The following ATXN7 variants were observed in gnomAD, a reference collection of about 807,000 sequenced individuals.
The protein encoded by ATXN7 is ataxin 7.
In ATXN7, 12 loss-of-function variants were observed where a neutral mutation model predicts 70.5. The observed-to-expected ratio is 0.17, with a 90% confidence interval of 0.11 to 0.28. The LOEUF is 0.28. Ranked by LOEUF, ATXN7 falls within the 10% of genes least tolerant of loss-of-function variation. The pLI is 1.00. For missense variants in ATXN7, 1,256 were observed against 1,131.7 expected (o/e 1.11, Z -1.58); for synonymous variants, 498 against 448.7 (o/e 1.11, Z -1.39).
chr3:63,967,408 A>G (rs2075243890), intron 5 of ATXN7, among the ~76,000 whole-genome samples: 1 of 152,192 alleles, frequency 6.6e-6, no homozygotes, highest in African/African-American at 2.4e-5. Flanking sequence ...AAGCTTAGCA[A>G]CTGTAGATAG....
chr3:63,873,114 C>G (rs1702645564), intron 1 of ATXN7, among the ~76,000 whole-genome samples: 1 of 152,076 alleles, frequency 6.6e-6, no homozygotes, highest in Non-Finnish European at 1.5e-5. Context: ...TAATATATCC[C>G]TTTTCAATGT....
chr3:63,889,999 T>C (rs1195441814), intron 1 of ATXN7, among the ~76,000 whole-genome samples: 2 of 152,188 alleles, frequency 1.3e-5, no homozygotes, highest in African/African-American at 2.4e-5. Context: ...AAAGTAGCTA[T>C]TGGGATAGAG....
At chr3:63,990,973 TTG>T in intron 11 of ATXN7, 114 bp downstream of exon 11, 1 of 1,516,488 alleles carries the variant, frequency 6.6e-7, no homozygotes, top group African/African-American at 1.4e-5. Context: ...AAACTGGCCT[TTG>T]GCCCTGAGAA....
chr3:63,885,781 C>T (rs563323871), intron 1 of ATXN7, among the ~76,000 whole-genome samples: 11 of 152,208 alleles, frequency 7.2e-5, no homozygotes, highest in Non-Finnish European at 1.0e-4. Flanking sequence ...CTTTGGGAGG[C>T]CAAGGTAGGT....
At chr3:63,901,195 G>A (rs1011363484) in intron 2 of ATXN7, 2 of 152,148 alleles carry the variant, frequency 1.3e-5, no homozygotes, top group African/African-American at 2.4e-5. Context: ...TGTATTCATT[G>A]TGGAATGGCT....
intron 5 of ATXN7, among the ~76,000 whole-genome samples, chr3:63,956,134 T>A (rs979801992): frequency 2.6e-5 from 4 of 152,216 alleles, no homozygotes; most frequent in African/African-American, 9.6e-5. Flanking sequence ...CATAGTTTGC[T>A]TTCTTGGAAA....
intron 4 of ATXN7, among the ~76,000 whole-genome samples, chr3:63,941,106 A>G (rs2074757605): frequency 6.6e-6 from 1 of 152,188 alleles, no homozygotes; most frequent in Non-Finnish European, 1.5e-5. Context: ...ATTTCAGTAC[A>G]AGCAATGACA....
At chr3:63,936,328 C>T (rs2074662555) in intron 4 of ATXN7, among the ~76,000 whole-genome samples, 1 of 152,162 alleles carries the variant, frequency 6.6e-6, no homozygotes, top group Admixed American at 6.5e-5. Context: ...TCTGTGCTAA[C>T]ATCAGTGACA....
chr3:63,998,374 A>T (rs1179181179), intron 12 of ATXN7: 1 of 984,006 alleles, frequency 1.0e-6, no homozygotes, highest in African/African-American at 1.8e-5. Flanking sequence ...ATATATGTAT[A>T]CACACACGTA....
chr3:63,994,338 G>A (rs1391460129), intron 11 of ATXN7, among the ~76,000 whole-genome samples: 2 of 152,102 alleles, frequency 1.3e-5, no homozygotes, highest in African/African-American at 4.8e-5. Flanking sequence ...CGGTTCAAGC[G>A]ATTCTCCTGC....
chr3:63,988,459 C>T (rs1462781885), intron 9 of ATXN7, 135 bp downstream of exon 9: 8 of 1,214,784 alleles, frequency 6.6e-6, no homozygotes, highest in Non-Finnish European at 9.0e-6. Flanking sequence ...AGGAGTTTTA[C>T]TATGAAAAAA....
At position 64,001,536 on chromosome 3, in the gene ATXN7, C is replaced by A. The variant is rs184678476; in HGVS notation, c.*2069C>A. 1 of 152,170 alleles carries A rather than the reference C, an allele frequency of 6.6e-6. No homozygotes were observed. Among genetic ancestry groups the A allele is most frequent in the South Asian group, 2.1e-4 (1 of 4,832 alleles). 9.4% of individuals were successfully genotyped at this position (152,170 alleles called of 1,614,324 possible). A position where few individuals can be genotyped will look rare whatever the true frequency, so the allele number is the denominator to read the frequency against. ...GCCTTTAGCAATGGAATTTACAGAT[C>A]GATCATGTTGTTCCGAAAGATGTGA... is the stretch of plus-strand genomic sequence containing the variant. On this transcript the variant is annotated 3_prime_UTR_variant, in exon 13 of 13. Transcript: ENST00000674280.
chr3:63,913,171 G>A lies in ATXN7; in HGVS notation c.340G>A (p.Glu114Lys). The change falls in exon 4 of 13, where the codon GAA (glutamate) becomes AAA (lysine). Residue 114 changes from glutamate (E) to lysine (K), a missense_variant. Glu to Lys is a moderately conservative substitution (Grantham distance 56, BLOSUM62 1). Transcript: ENST00000674280. ...ATATCTCCTAGGGACAGAATTGGAC[G>A]AAAGTTTCAAGGAGTTTGGGAAAAA... ...LPGKDGTELDESFKEFGKNRE... is the reference protein window; with the variant it reads ...LPGKDGTELDKSFKEFGKNRE... The A allele has an allele frequency of 6.2e-7, 1 of 1,613,794 alleles. No individual in the cohort carries two copies. Among genetic ancestry groups the A allele is most frequent in the Non-Finnish European group, 8.5e-7 (1 of 1,179,916 alleles).
chr3:63,959,020 G>A (rs890432474), intron 5 of ATXN7, among the ~76,000 whole-genome samples: 10 of 152,190 alleles, frequency 6.6e-5, no homozygotes. Context: ...GCTTCAAGAA[G>A]CTGGATCAGT....
At chr3:63,918,348 A>G (rs544808293) in intron 4 of ATXN7, among the ~76,000 whole-genome samples, 11 of 152,350 alleles carry the variant, frequency 7.2e-5, no homozygotes, top group African/African-American at 2.4e-4. Context: ...TGTTAAAGGT[A>G]CTACATTGTG....
intron 2 of ATXN7, chr3:63,904,397 A>G (rs1361514774): frequency 1.3e-5 from 2 of 151,508 alleles, no homozygotes; most frequent in African/African-American, 4.9e-5. Flanking sequence ...GGTTCAAGCG[A>G]TTCTCCTGCC....
chr3:63,953,137 A>G (rs927924883), intron 5 of ATXN7, among the ~76,000 whole-genome samples: 1 of 152,168 alleles, frequency 6.6e-6, no homozygotes, highest in African/African-American at 2.4e-5. Context: ...AAAACTAACT[A>G]GATATACTTT....
intron 11 of ATXN7, among the ~76,000 whole-genome samples, chr3:63,994,436 T>G (rs181126949): frequency 2.0e-5 from 3 of 152,306 alleles, no homozygotes; most frequent in Non-Finnish European, 4.4e-5. Context: ...GGTTTCACCA[T>G]GTTGGCCAGG....
chr3:63,916,241 CT>C (rs1246545324), intron 4 of ATXN7, among the ~76,000 whole-genome samples: 3 of 152,178 alleles, frequency 2.0e-5, no homozygotes, highest in African/African-American at 7.2e-5. Flanking sequence ...CCTTTTAACT[CT>C]TTCAACTGTT....
Sources: gnomAD v4.1 joint callset for allele counts (sites outside exome capture counted in the v4.1 genomes callset) on GRCh38, gnomAD v4.1.1 for gene constraint, MANE v1.5 for transcripts, NCBI Gene and HGNC (gene_info 2026-07-23, HGNC 2026-07-21) for gene names.